PLA2G4A: variants seen among roughly 807,000 people sequenced by gnomAD.
PLA2G4A encodes the protein cytosolic phospholipase A2.
Under a neutral mutation model 81.9 loss-of-function variants are expected in PLA2G4A, and 40 were observed. The observed-to-expected ratio is 0.49, with a 90% CI of 0.38 to 0.64. The LOEUF is 0.64. PLA2G4A is among the 30% of genes least tolerant of loss of function. The probability of loss-of-function intolerance (pLI) is 0.00; values close to 1 mark genes in which losing one functional copy is unlikely to be tolerated. For synonymous variants in PLA2G4A, 302 were observed against 296.9 expected, an observed-to-expected ratio of 1.02 and a Z score of -0.18; for missense variants, 715 against 905.1, an observed-to-expected ratio of 0.79 and a Z score of 2.69.
chr1:186,917,704 C>T (rs898617406), intron 7 of PLA2G4A, among the ~76,000 whole-genome samples: 1 of 152,132 alleles, frequency 6.6e-6, no homozygotes. Flanking sequence ...CTTTTCAGTT[C>T]GTGTTGGATA....
In PLA2G4A at chr1:186,950,731, G is replaced by A. The variant is rs6661772; in HGVS notation, c.1336+3G>A. On this transcript the variant is annotated splice_donor_region_variant and intron_variant, in intron 13 of 17. Transcript: ENST00000367466. The stretch of plus-strand genomic sequence containing the variant: ...TGATGAATCACACGAACCCAAAGGT[G>A]AGTGAGCCGGAAACTTTTCTGGCCC... 0.058 allele frequency: 89,815 copies of A among 1,561,186 alleles called. 2,955 individuals are homozygous for A. The highest frequency in any genetic ancestry group is 0.074 in the Middle Eastern group (443 of 5,958).
rs185375786 is a variant in PLA2G4A at position 186,874,573 on chromosome 1, T to G, written c.115+4057T>G. Among the ~76,000 whole-genome samples, 59 of 152,244 alleles carry G rather than the reference T, an allele frequency of 3.9e-4. 1 individual carries two copies. The highest frequency in any genetic ancestry group is 1.0e-3 in the African/African-American group (43 of 41,576). ...TATGGATATATATACTGAGGATTCTTTCCTTGTCTGGCCCCTTTATTAGAC... is the reference window on the plus strand; with the variant it reads ...TATGGATATATATACTGAGGATTCTGTCCTTGTCTGGCCCCTTTATTAGAC... On this transcript the variant is annotated intron_variant, in intron 3 of 17. Coordinates refer to ENST00000367466, the MANE Select transcript of PLA2G4A (RefSeq NM_024420.3).
chr1:186,958,296 CA>C (rs1439826561), intron 14 of PLA2G4A, among the ~76,000 whole-genome samples: 1 of 152,070 alleles, frequency 6.6e-6, no homozygotes, highest in Non-Finnish European at 1.5e-5. Context: ...GTTATAAAGT[CA>C]ATATCTCTTT....
At chr1:186,870,610 T>C (rs12720507) in intron 3 of PLA2G4A, 94 bp downstream of exon 3, 19 of 1,169,778 alleles carry the variant, frequency 1.6e-5, no homozygotes, top group African/African-American at 4.6e-5. Context: ...TTCTGCCTTC[T>C]TCAAATGTGG....
chr1:186,870,464 G>A lies in PLA2G4A; in HGVS notation c.63G>A (p.Thr21=), dbSNP rs896903466. Residue 21 remains threonine (T), a synonymous_variant, in exon 3 of 18, where the codon ACG becomes ACA. Transcript: ENST00000367466. ...AGCACCAGTATTCCCACAAGTTTAC[G>A]GTAGTGGTGTTACGTGCCACCAAAG... ...IVEHQYSHKF[T]VVVLRATKVT... 10 of 1,610,354 alleles carry A rather than the reference G, an allele frequency of 6.2e-6. No homozygotes were observed. The highest frequency in any genetic ancestry group is 8.5e-6 in the Non-Finnish European group (10 of 1,176,752).
At chr1:186,914,547 G>A (rs1202783992) in intron 7 of PLA2G4A, among the ~76,000 whole-genome samples, 4 of 152,100 alleles carry the variant, frequency 2.6e-5, no homozygotes, top group East Asian at 1.9e-4. Flanking sequence ...TGAGAGGGTC[G>A]TGATCATTTG....
At chr1:186,964,245 G>A (rs1283718081) in intron 14 of PLA2G4A, among the ~76,000 whole-genome samples, 1 of 152,222 alleles carries the variant, frequency 6.6e-6, no homozygotes, top group Non-Finnish European at 1.5e-5. Flanking sequence ...CACAACAGCT[G>A]TATGGCATTT....
intron 7 of PLA2G4A, among the ~76,000 whole-genome samples, chr1:186,915,347 G>T (rs188262545): frequency 6.6e-6 from 1 of 152,264 alleles, no homozygotes; most frequent in East Asian, 1.9e-4. Context: ...GGCTCTGCCG[G>T]TTTTATTAGT....
chr1:186,952,236 C>T (rs1656586132), intron 13 of PLA2G4A, among the ~76,000 whole-genome samples: 1 of 152,106 alleles, frequency 6.6e-6, no homozygotes, highest in Admixed American at 6.6e-5. Context: ...ATAGTCAGTA[C>T]ATTTGATAAC....
At chr1:186,932,432 A>C (rs1489023107) in intron 7 of PLA2G4A, among the ~76,000 whole-genome samples, 1 of 151,572 alleles carries the variant, frequency 6.6e-6, no homozygotes, top group African/African-American at 2.4e-5. Flanking sequence ...AGTAGCTCGG[A>C]TTACAGGCAC....
At position 186,882,509 on chromosome 1, in the gene PLA2G4A, T is replaced by G. The variant is rs867664362; in HGVS notation, c.116-10502T>G. ...CCATCAATATGCCTGTGTGGAATGT[T>G]TGAAATGTGTAGATTCCAAAGATGC... On this transcript the variant is annotated intron_variant, in intron 3 of 17. Coordinates refer to ENST00000367466, the MANE Select transcript of PLA2G4A (RefSeq NM_024420.3). Among the ~76,000 whole-genome samples, 11 of 152,242 alleles carry G rather than the reference T, an allele frequency of 7.2e-5. No individual in the cohort carries two copies. The Middle Eastern group carries it at 0.017, about 235-fold the overall frequency.
intron 14 of PLA2G4A, among the ~76,000 whole-genome samples, chr1:186,959,223 G>C (rs558606461): frequency 3.3e-5 from 5 of 152,050 alleles, no homozygotes; most frequent in African/African-American, 1.2e-4. Flanking sequence ...AAAAGAATAT[G>C]AGTTGATTGC....
At chr1:186,964,087 T>C (rs528322508) in intron 14 of PLA2G4A, among the ~76,000 whole-genome samples, 1 of 152,344 alleles carries the variant, frequency 6.6e-6, no homozygotes, top group African/African-American at 2.4e-5. Flanking sequence ...AGCATGTATG[T>C]ATGTACATAG....
intron 13 of PLA2G4A, among the ~76,000 whole-genome samples, chr1:186,953,348 C>G (rs911292725): frequency 6.6e-6 from 1 of 152,182 alleles, no homozygotes. Flanking sequence ...ATATGCTTAT[C>G]TGCTATCTGT....
chr1:186,840,403 A>G (rs1335576732), intron 1 of PLA2G4A, among the ~76,000 whole-genome samples: 1 of 152,182 alleles, frequency 6.6e-6, no homozygotes, highest in Non-Finnish European at 1.5e-5. Context: ...AAAACTTCTT[A>G]TGATCTGAGA....
intron 1 of PLA2G4A, among the ~76,000 whole-genome samples, chr1:186,836,956 A>C (rs1420187353): frequency 6.6e-6 from 1 of 152,218 alleles, no homozygotes; most frequent in Non-Finnish European, 1.5e-5. Flanking sequence ...ATAAAAAGCC[A>C]TCTACGGGAG....
chr1:186,840,406 A>G (rs2102005791), intron 1 of PLA2G4A, among the ~76,000 whole-genome samples: 1 of 152,254 alleles, frequency 6.6e-6, no homozygotes, highest in South Asian at 2.1e-4. Context: ...ACTTCTTATG[A>G]TCTGAGAAGA....
At chr1:186,913,905 G>A (rs1655049877) in intron 7 of PLA2G4A, among the ~76,000 whole-genome samples, 1 of 152,138 alleles carries the variant, frequency 6.6e-6, no homozygotes, top group South Asian at 2.1e-4. Flanking sequence ...GTTTTAGGTG[G>A]GGGTAGGGTT....
intron 3 of PLA2G4A, among the ~76,000 whole-genome samples, chr1:186,874,809 T>C (rs1435705023): frequency 6.6e-6 from 1 of 152,112 alleles, no homozygotes; most frequent in African/African-American, 2.4e-5. Context: ...CGTATTAATA[T>C]CTTAACATAC....
Sources: gnomAD v4.1 joint callset for allele counts (sites outside exome capture counted in the v4.1 genomes callset) on GRCh38, gnomAD v4.1.1 for gene constraint, MANE v1.5 for transcripts, NCBI Gene and HGNC (gene_info 2026-07-23, HGNC 2026-07-21) for gene names.